Variants in NDST4 observed in about 807,000 individuals in gnomAD.
NDST4 encodes the protein N-heparan sulfate sulfotransferase 4.
NDST4 carries 63 observed loss-of-function variants against 100.8 expected under a neutral mutation model. That is an observed-to-expected ratio of 0.62 (90% CI 0.51 to 0.77). The LOEUF (loss-of-function observed/expected upper bound fraction) is 0.77. Among genes scored for constraint, NDST4 ranks in the 30% least tolerant of loss-of-function variants. The pLI is 0.00. For missense variants in NDST4, 943 were observed against 1,018.4 expected (o/e 0.93, Z 1.01); for synonymous variants, 377 against 361.8 (o/e 1.04, Z -0.48).
chr4:114,935,271 C>A lies in NDST4; in HGVS notation c.1471G>T (p.Gly491Ter), dbSNP rs1313156593. Residue 491 changes from glycine to a stop codon, truncating the protein, a stop_gained, in exon 6 of 14, where the codon GGA becomes TGA. Transcript: ENST00000264363. LOFTEE classifies it high-confidence loss of function. ...ATACTTTTATCCAGTTCTTGGGGTC[C>A]TCCTGGATATTCTTTGTAGAAAATA... ...HTIFYKEYPGGPQELDKSIRG... is the reference protein window; with the variant it reads ...HTIFYKEYPG The A allele has an allele frequency of 6.2e-7, 1 of 1,610,632 alleles. No homozygotes were observed. The highest frequency in any genetic ancestry group is 8.5e-7 in the Non-Finnish European group (1 of 1,178,506).
At chr4:114,899,496 T>C (rs2126209518) in intron 6 of NDST4, among the ~76,000 whole-genome samples, 1 of 152,132 alleles carries the variant, frequency 6.6e-6, no homozygotes, top group East Asian at 1.9e-4. Flanking sequence ...TATATTAAGT[T>C]GAGAAAGTCT....
rs1298611261 is a variant in NDST4, at chr4:114,917,511, C to T, written c.1536+17695G>A. Among the ~76,000 whole-genome samples the T allele has an allele frequency of 2.0e-5, 3 of 151,702 alleles. No individual in the cohort carries two copies. In the South Asian group the frequency reaches 6.3e-4, roughly 32 times the overall value. ...ATCAAACAATAGGGACTTTGGAACT[C>T]GACTTTCATGCACCTACAGAGGCTG... On this transcript the variant is annotated intron_variant, in intron 6 of 13. Transcript: ENST00000264363.
intron 7 of NDST4, among the ~76,000 whole-genome samples, chr4:114,868,517 G>C (rs1724080734): frequency 6.6e-6 from 1 of 151,998 alleles, no homozygotes. Flanking sequence ...CAGATTTGCT[G>C]CAGTAAGTCA....
At chr4:114,981,005 G>A (rs1182795323) in intron 2 of NDST4, among the ~76,000 whole-genome samples, 1 of 151,716 alleles carries the variant, frequency 6.6e-6, no homozygotes, top group African/African-American at 2.4e-5. Context: ...TTGAGCTTAA[G>A]AGTCAAAGCC....
intron 2 of NDST4, among the ~76,000 whole-genome samples, chr4:115,038,554 C>G (rs773013634): frequency 6.6e-6 from 1 of 152,118 alleles, no homozygotes; most frequent in Non-Finnish European, 1.5e-5. Context: ...CCCTGAGGTA[C>G]CCTATCTCTA....
chr4:114,894,556 A>G (rs1724671988), intron 6 of NDST4, among the ~76,000 whole-genome samples: 1 of 152,156 alleles, frequency 6.6e-6, no homozygotes, highest in Non-Finnish European at 1.5e-5. Flanking sequence ...TTGTTGCTGT[A>G]AAGGAATGCT....
intron 1 of NDST4, among the ~76,000 whole-genome samples, chr4:115,113,033 G>A (rs180980568): frequency 1.3e-5 from 2 of 151,994 alleles, no homozygotes; most frequent in South Asian, 2.1e-4. Flanking sequence ...TGAATGCCAT[G>A]TTTTCAGTAA....
chr4:114,908,854 T>G (rs1725006046), intron 6 of NDST4, among the ~76,000 whole-genome samples: 1 of 152,208 alleles, frequency 6.6e-6, no homozygotes, highest in South Asian at 2.1e-4. Context: ...TAACATTTTC[T>G]ACTTTCATAA....
At chr4:115,078,623 G>A (rs1301746624) in intron 1 of NDST4, among the ~76,000 whole-genome samples, 1 of 152,046 alleles carries the variant, frequency 6.6e-6, no homozygotes, top group Non-Finnish European at 1.5e-5. Flanking sequence ...GGTGGATCAC[G>A]AGGTCAGGAG....
intron 1 of NDST4, among the ~76,000 whole-genome samples, chr4:115,087,203 A>G (rs1301406951): frequency 6.6e-6 from 1 of 151,952 alleles, no homozygotes; most frequent in Non-Finnish European, 1.5e-5. Flanking sequence ...TTTTGTATAG[A>G]TTTGGAGGTA....
At chr4:115,047,893 T>C (rs1728499092) in intron 2 of NDST4, among the ~76,000 whole-genome samples, 1 of 152,144 alleles carries the variant, frequency 6.6e-6, no homozygotes, top group Non-Finnish European at 1.5e-5. Context: ...CTTGTCAAAT[T>C]GTAATAGAAT....
chr4:115,070,294 T>C (rs952694634), intron 2 of NDST4, among the ~76,000 whole-genome samples: 3 of 152,146 alleles, frequency 2.0e-5, no homozygotes, highest in Non-Finnish European at 4.4e-5. Context: ...CCATTATCCT[T>C]AGCAAACTAA....
chr4:114,985,820 T>C (rs1337369144), intron 2 of NDST4, among the ~76,000 whole-genome samples: 1 of 152,154 alleles, frequency 6.6e-6, no homozygotes, highest in Non-Finnish European at 1.5e-5. Context: ...ATCAATAAAG[T>C]CCACCCTGGA....
At position 114,852,764 on chromosome 4, in the gene NDST4, G is replaced by GGAAAACTTGGAAATTT. The variant is rs771172452; in HGVS notation, c.1776_1777insAAATTTCCAAGTTTTC (p.His593LysfsTer39). 6.2e-7 allele frequency: 1 copy of GGAAAACTTGGAAATTT among 1,612,386 alleles called. No homozygotes were observed. The highest frequency in any genetic ancestry group is 1.1e-5 in the South Asian group (1 of 90,882). ...CCAATTACTAGAAATTTTGGTAAGT[G>GGAAAACTTGGAAATTT]GTCACAAGTTTTCTCTCTGGACCAG... On this transcript the variant is annotated frameshift_variant, in exon 8 of 14. Coordinates refer to ENST00000264363, the MANE Select transcript of NDST4 (RefSeq NM_022569.3). LOFTEE classifies it high-confidence loss of function.
intron 2 of NDST4, among the ~76,000 whole-genome samples, chr4:114,983,756 C>A (rs188056167): frequency 1.3e-5 from 2 of 152,194 alleles, no homozygotes; most frequent in African/African-American, 4.8e-5. Flanking sequence ...GGGCCAGGGG[C>A]AGAATGATAT....
intron 4 of NDST4, chr4:114,956,040 C>G (rs1364949833): frequency 2.0e-5 from 3 of 152,192 alleles, no homozygotes; most frequent in Non-Finnish European, 4.4e-5. Context: ...CTATGCAGCC[C>G]CACTCATAGA....
chr4:115,032,659 A>G (rs2126270367), intron 2 of NDST4, among the ~76,000 whole-genome samples: 1 of 152,238 alleles, frequency 6.6e-6, no homozygotes, highest in African/African-American at 2.4e-5. Flanking sequence ...AATCTTCATG[A>G]AATTACCTCA....
chr4:114,856,008 G>A (rs1276537716), intron 7 of NDST4, among the ~76,000 whole-genome samples: 4 of 151,748 alleles, frequency 2.6e-5, no homozygotes, highest in Non-Finnish European at 5.9e-5. Flanking sequence ...TTCTCTGTAA[G>A]CCACTGTATT....
chr4:114,857,309 A>G (rs1205304725), intron 7 of NDST4, among the ~76,000 whole-genome samples: 2 of 152,164 alleles, frequency 1.3e-5, no homozygotes, highest in African/African-American at 4.8e-5. Flanking sequence ...AAGTGGCCAT[A>G]ACTACCCACC....
Sources: allele counts gnomAD v4.1 joint callset (sites outside exome capture counted in the v4.1 genomes callset), GRCh38; gene constraint gnomAD v4.1.1; transcripts MANE v1.5; gene names NCBI Gene and HGNC (gene_info 2026-07-23, HGNC 2026-07-21).